Variants in RANBP17 observed in about 807,000 individuals in gnomAD.
RANBP17 encodes the protein RAN binding protein 17, also known as ran-binding protein 17.
Under a neutral mutation model 141.2 loss-of-function variants are expected in RANBP17, and 158 were observed. The observed-to-expected ratio is 1.12, with a 90% CI of 0.98 to 1.28. RANBP17 has a LOEUF of 1.28. Ranked by LOEUF, RANBP17 falls within the 50% of genes most tolerant of loss-of-function variation. RANBP17 has a pLI of 0.00. For missense variants in RANBP17, 1,438 were observed against 1,290.7 expected, an observed-to-expected ratio of 1.11 and a Z score of -1.75; for synonymous variants, 430 against 450.0, an observed-to-expected ratio of 0.96 and a Z score of 0.56.
chr5:171,007,684 G>T (rs1313026577), intron 14 of RANBP17, among the ~76,000 whole-genome samples: 4 of 152,116 alleles, frequency 2.6e-5, no homozygotes, highest in Non-Finnish European at 5.9e-5. Flanking sequence ...AAATTATCTA[G>T]GTCTCGTAGG....
At position 170,955,627 on chromosome 5, in the gene RANBP17, ATATATATATATATGCTCAGTG is replaced by A. The variant is rs1255186175; in HGVS notation, c.1574+1939_1574+1959del. 6.3e-4 allele frequency among the ~76,000 whole-genome samples: 54 copies of A among 85,374 alleles called. 1 individual carries two copies. The highest frequency in any genetic ancestry group is 2.6e-3 in the African/African-American group (44 of 16,832). 56.0% of individuals were successfully genotyped at this position (85,374 alleles called of 152,430 possible). The stretch of plus-strand genomic sequence containing the variant: ...ATATATATGCTCAGTGTATATATAT[ATATATATATATATGCTCAGTG>A]TATATATATATATATATATATATAT... On this transcript the variant is annotated intron_variant, in intron 13 of 27. Transcript: ENST00000523189.
In RANBP17 at chr5:171,009,218, G is replaced by A. The variant is rs138037964; in HGVS notation, c.1710+40841G>A. On this transcript the variant is annotated intron_variant, in intron 14 of 27. Transcript: ENST00000523189. ...CACTTAGTAGGTTTGTGACAGTTAA[G>A]CAATTTACCTAACTTTTCTGCATGT... Among the ~76,000 whole-genome samples the A allele has an allele frequency of 4.1e-3, 619 of 152,256 alleles. 5 individuals carry two copies. The highest frequency in any genetic ancestry group is 0.014 in the African/African-American group (597 of 41,560).
chr5:171,027,421 T>C (rs536812875), intron 14 of RANBP17, among the ~76,000 whole-genome samples: 1 of 152,274 alleles, frequency 6.6e-6, no homozygotes, highest in South Asian at 2.1e-4. Flanking sequence ...CCTATGATAG[T>C]TTGGTGGAAC....
Position 171,300,008 on chromosome 5 carries a change from T to G in RANBP17, c.*1150T>G, listed in dbSNP as rs564282180. ...TAAGTAAATCCACAGGCTCCTGTTGTAATCTCATTTCTCAGACTCATGTTT... is the reference window on the plus strand; with the variant it reads ...TAAGTAAATCCACAGGCTCCTGTTGGAATCTCATTTCTCAGACTCATGTTT... On this transcript the variant is annotated 3_prime_UTR_variant, in exon 28 of 28. Coordinates refer to ENST00000523189, the MANE Select transcript of RANBP17 (RefSeq NM_022897.5). 5.4e-6 allele frequency: 1 copy of G among 184,624 alleles called. No homozygotes were observed. Among genetic ancestry groups the G allele is most frequent in the East Asian group, 8.8e-5 (1 of 11,404 alleles). 11.4% of individuals were successfully genotyped at this position (184,624 alleles called of 1,614,324 possible).
intron 14 of RANBP17, among the ~76,000 whole-genome samples, chr5:171,132,056 T>C (rs74874699): frequency 0.053 from 8,007 of 152,250 alleles, 266 homozygotes; most frequent in East Asian, 0.12. Context: ...AAATTTATAG[T>C]TTCTCCATGG....
intron 14 of RANBP17, among the ~76,000 whole-genome samples, chr5:171,024,827 C>A (rs1219252940): frequency 6.6e-6 from 1 of 151,866 alleles, no homozygotes; most frequent in African/African-American, 2.4e-5. Context: ...TCATGCACTC[C>A]TGTGTCTTCA....
chr5:171,076,342 A>G (rs1784919574), intron 14 of RANBP17, among the ~76,000 whole-genome samples: 1 of 152,222 alleles, frequency 6.6e-6, no homozygotes. Context: ...TCTGAGTTTC[A>G]GTCAATATCC....
intron 12 of RANBP17, among the ~76,000 whole-genome samples, chr5:170,933,467 G>A (rs181847943): frequency 2.0e-5 from 3 of 152,124 alleles, no homozygotes; most frequent in African/African-American, 7.2e-5. Flanking sequence ...CTTTGAATGT[G>A]TTTGCTCTTC....
intron 1 of RANBP17, among the ~76,000 whole-genome samples, chr5:170,875,072 C>T (rs1768069245): frequency 6.6e-6 from 1 of 152,168 alleles, no homozygotes; most frequent in Admixed American, 6.5e-5. Context: ...GATTTTATTT[C>T]TCCTTCTCTT....
At chr5:171,156,877 A>G (rs1041789579) in intron 14 of RANBP17, among the ~76,000 whole-genome samples, 10 of 152,168 alleles carry the variant, frequency 6.6e-5, no homozygotes, top group African/African-American at 2.4e-4. Flanking sequence ...TATCGAAAAC[A>G]GTCTTTTTTT....
At chr5:171,101,370 TTGA>T (rs1787150112) in intron 14 of RANBP17, among the ~76,000 whole-genome samples, 1 of 152,248 alleles carries the variant, frequency 6.6e-6, no homozygotes, top group African/African-American at 2.4e-5. Flanking sequence ...TTTGTCTTTG[TTGA>T]TCTTTGTTGA....
chr5:171,134,593 C>T (rs1757145062), intron 14 of RANBP17, among the ~76,000 whole-genome samples: 1 of 152,282 alleles, frequency 6.6e-6, no homozygotes, highest in East Asian at 1.9e-4. Context: ...ATAAATATTG[C>T]TCTTGCACAC....
chr5:171,201,176 T>TG (rs1465775954), intron 19 of RANBP17, among the ~76,000 whole-genome samples: 1 of 152,236 alleles, frequency 6.6e-6, no homozygotes, highest in Non-Finnish European at 1.5e-5. Flanking sequence ...TCATTTTTAA[T>TG]GGAGTTCCAG....
At chr5:171,133,143 CAA>C (rs770781561) in intron 14 of RANBP17, among the ~76,000 whole-genome samples, 1 of 152,148 alleles carries the variant, frequency 6.6e-6, no homozygotes, top group Non-Finnish European at 1.5e-5. Flanking sequence ...CTCAGCCTCC[CAA>C]AGTGCTGGGA....
intron 14 of RANBP17, among the ~76,000 whole-genome samples, chr5:171,146,213 A>G (rs1413502881): frequency 2.6e-5 from 4 of 152,238 alleles, no homozygotes; most frequent in African/African-American, 4.8e-5. Flanking sequence ...TTGAAGGAAG[A>G]CATGGATGAT....
intron 14 of RANBP17, among the ~76,000 whole-genome samples, chr5:171,050,023 T>C (rs1024418644): frequency 2.0e-5 from 3 of 152,174 alleles, no homozygotes; most frequent in African/African-American, 4.8e-5. Context: ...TGGTAGTTGA[T>C]AGGAATAGCA....
At position 170,966,098 on chromosome 5, in the gene RANBP17, G is replaced by A. The variant is rs571182989; in HGVS notation, c.1575-2144G>A. Among the ~76,000 whole-genome samples the A allele has an allele frequency of 1.0e-3, 153 of 151,912 alleles. 1 individual carries two copies. In the South Asian group the frequency reaches 0.012, roughly 12 times the overall value. ...TCCAGGACCAGATGGATTCACAGCCGAATTCTACCAGAGGTACAAGGAGGA... is the reference window on the plus strand; with the variant it reads ...TCCAGGACCAGATGGATTCACAGCCAAATTCTACCAGAGGTACAAGGAGGA... On this transcript the variant is annotated intron_variant, in intron 13 of 27. Coordinates refer to ENST00000523189, the MANE Select transcript of RANBP17 (RefSeq NM_022897.5).
intron 24 of RANBP17, among the ~76,000 whole-genome samples, chr5:171,255,087 T>C (rs1361033756): frequency 6.6e-6 from 1 of 152,180 alleles, no homozygotes; most frequent in African/African-American, 2.4e-5. Context: ...AAGTTTCTCT[T>C]TAAGATAGTT....
intron 14 of RANBP17, among the ~76,000 whole-genome samples, chr5:171,139,631 T>A (rs1757556446): frequency 6.6e-6 from 1 of 152,184 alleles, no homozygotes. Flanking sequence ...CTCATAAATA[T>A]GTCACCAATC....
Sources: allele counts gnomAD v4.1 joint callset (sites outside exome capture counted in the v4.1 genomes callset), GRCh38; gene constraint gnomAD v4.1.1; transcripts MANE v1.5; gene names NCBI Gene and HGNC (gene_info 2026-07-23, HGNC 2026-07-21).